The following UGT2B7 variants were observed in gnomAD, a reference collection of about 807,000 sequenced individuals.
UGT2B7 encodes the protein UDP glucuronosyltransferase family 2 member B7, also known as UDP-glucuronosyltransferase 2B7.
UGT2B7 carries 51 observed loss-of-function variants against 51.9 expected under a neutral mutation model. The observed-to-expected ratio is 0.98, with a 90% CI of 0.78 to 1.24. The LOEUF (loss-of-function observed/expected upper bound fraction) is 1.24, where lower values mean the gene tolerates loss of function less well. Among genes scored for constraint, UGT2B7 ranks in the 50% most tolerant of loss-of-function variants. UGT2B7 has a pLI of 0.00. For synonymous variants in UGT2B7, 225 were observed against 211.6 expected (o/e 1.06, Z -0.55); for missense variants, 727 against 628.4 (o/e 1.16, Z -1.68).
chr4:69,070,185 T>C (rs1718569495), intron 1 of UGT2B7, among the ~76,000 whole-genome samples: 1 of 149,300 alleles, frequency 6.7e-6, no homozygotes, highest in Admixed American at 6.7e-5. Flanking sequence ...AAAGATTAGC[T>C]ATACTGTGCA....
intron 1 of UGT2B7, among the ~76,000 whole-genome samples, chr4:69,087,160 T>C (rs993061239): frequency 6.6e-6 from 1 of 151,540 alleles, no homozygotes; most frequent in Non-Finnish European, 1.5e-5. Flanking sequence ...TCCTTTATGG[T>C]TAAGTAATTT....
At chr4:69,079,157 G>A (rs1292537795) in intron 1 of UGT2B7, among the ~76,000 whole-genome samples, 1 of 152,134 alleles carries the variant, frequency 6.6e-6, no homozygotes, top group Non-Finnish European at 1.5e-5. Flanking sequence ...CTGGCTAACA[G>A]CAGCAGAATG....
At chr4:69,089,057 T>C (rs1279058376) in intron 1 of UGT2B7, among the ~76,000 whole-genome samples, 1 of 152,108 alleles carries the variant, frequency 6.6e-6, no homozygotes, top group South Asian at 2.1e-4. Context: ...GTGAATTCAG[T>C]GTGGCTTTTT....
At chr4:69,076,594 T>C (rs1718712589) in intron 1 of UGT2B7, among the ~76,000 whole-genome samples, 1 of 152,244 alleles carries the variant, frequency 6.6e-6, no homozygotes. Context: ...TTGAGAAGTG[T>C]CTGTTCATAT....
intron 1 of UGT2B7, among the ~76,000 whole-genome samples, chr4:69,098,232 G>T (rs1344365772): frequency 1.3e-5 from 2 of 151,918 alleles, no homozygotes; most frequent in Admixed American, 6.6e-5. Context: ...TAAGAGAAAA[G>T]AAATTTTCTG....
chr4:69,056,554 T>C (rs1718205678), intron 1 of UGT2B7, among the ~76,000 whole-genome samples: 1 of 152,200 alleles, frequency 6.6e-6, no homozygotes, highest in African/African-American at 2.4e-5. Flanking sequence ...CATGTACCCA[T>C]GCAAGTGTGG....
intron 1 of UGT2B7, among the ~76,000 whole-genome samples, chr4:69,064,891 A>T (rs920669704): frequency 2.0e-5 from 3 of 152,190 alleles, no homozygotes; most frequent in African/African-American, 7.2e-5. Context: ...TAACGTTGTG[A>T]TTAGAAAAAA....
At chr4:69,086,166 C>G (rs1311837749) in intron 1 of UGT2B7, among the ~76,000 whole-genome samples, 1 of 151,454 alleles carries the variant, frequency 6.6e-6, no homozygotes, top group Non-Finnish European at 1.5e-5. Flanking sequence ...CTTATTTTTT[C>G]TATATCTTCT....
At chr4:69,108,405 A>C in intron 5 of UGT2B7, 83 bp downstream of exon 5, 2 of 1,429,504 alleles carry the variant, frequency 1.4e-6, no homozygotes, top group East Asian at 4.7e-5. Flanking sequence ...CATCCTTTTT[A>C]TAAGAGACTA....
chr4:69,074,956 A>G (rs1278199171), intron 1 of UGT2B7, among the ~76,000 whole-genome samples: 3 of 152,144 alleles, frequency 2.0e-5, no homozygotes, highest in Non-Finnish European at 4.4e-5. Flanking sequence ...TCACCTCACT[A>G]TACTATGTTG....
chr4:69,081,375 TAC>T (rs1389491422), intron 1 of UGT2B7, among the ~76,000 whole-genome samples: 3 of 152,104 alleles, frequency 2.0e-5, no homozygotes, highest in South Asian at 2.1e-4. Context: ...TTCCTACATT[TAC>T]ACTCTTCTGT....
intron 1 of UGT2B7, among the ~76,000 whole-genome samples, chr4:69,069,367 T>C (rs983591904): frequency 2.0e-5 from 3 of 152,034 alleles, no homozygotes; most frequent in South Asian, 4.1e-4. Context: ...GTACTCTCAA[T>C]TGATTTTTTT....
At chr4:69,061,067 G>C (rs528668460) in intron 1 of UGT2B7, among the ~76,000 whole-genome samples, 1 of 152,204 alleles carries the variant, frequency 6.6e-6, no homozygotes, top group South Asian at 2.1e-4. Flanking sequence ...CACCAAACTG[G>C]GTATGCAGTG....
intron 2 of UGT2B7, 48 bp from the exon 3 acceptor site, chr4:69,102,759 C>G: frequency 6.3e-7 from 1 of 1,590,178 alleles, no homozygotes; most frequent in East Asian, 2.3e-5. Context: ...TTGGTAGTGC[C>G]CGCTGTGCTA....
At chr4:69,068,061 A>G (rs1303955221) in intron 1 of UGT2B7, among the ~76,000 whole-genome samples, 1 of 152,140 alleles carries the variant, frequency 6.6e-6, no homozygotes, top group African/African-American at 2.4e-5. Flanking sequence ...ATATTATGGA[A>G]TACAAATACA....
chr4:69,108,398 C>T (rs1397149849), intron 5 of UGT2B7, 76 bp downstream of exon 5: 2 of 1,511,904 alleles, frequency 1.3e-6, no homozygotes, highest in African/African-American at 2.8e-5. Flanking sequence ...TGAGTTTCAT[C>T]CTTTTTATAA....
At chr4:69,080,673 C>T (rs1291816568) in intron 1 of UGT2B7, among the ~76,000 whole-genome samples, 7 of 151,988 alleles carry the variant, frequency 4.6e-5, no homozygotes, top group Non-Finnish European at 1.0e-4. Context: ...ACTCGCTAAG[C>T]ACCTATTGAA....
At chr4:69,107,070 A>T in intron 3 of UGT2B7, 105 bp from the exon 4 acceptor site, 1 of 1,264,958 alleles carries the variant, frequency 7.9e-7, no homozygotes, top group Non-Finnish European at 1.1e-6. Flanking sequence ...AGTAGTTCTT[A>T]TTTACTAACA....
chr4:69,051,842 G>T (rs1718025075), intron 1 of UGT2B7, among the ~76,000 whole-genome samples: 1 of 152,192 alleles, frequency 6.6e-6, no homozygotes, highest in South Asian at 2.1e-4. Flanking sequence ...GGATACTTTG[G>T]TTTCGGTTTT....
Sources: allele counts gnomAD v4.1 joint callset (sites outside exome capture counted in the v4.1 genomes callset), GRCh38; gene constraint gnomAD v4.1.1; transcripts MANE v1.5; gene names NCBI Gene and HGNC (gene_info 2026-07-23, HGNC 2026-07-21).